Variants in FSHR observed in about 807,000 individuals in gnomAD.
FSHR encodes follicle stimulating hormone receptor, also known as follicle-stimulating hormone receptor.
A neutral mutation model predicts 52.1 loss-of-function variants in FSHR; 46 were observed. That is an observed-to-expected ratio of 0.88 (90% confidence interval 0.70 to 1.13). The LOEUF is 1.13. FSHR is among the 50% of genes most tolerant of loss of function. The pLI is 0.00. For synonymous variants in FSHR, 399 were observed against 309.6 expected (o/e 1.29, Z -3.03); for missense variants, 964 against 834.6 (o/e 1.16, Z -1.91).
At chr2:49,067,425 C>G (rs1376905264) in intron 2 of FSHR, among the ~76,000 whole-genome samples, 4 of 152,050 alleles carry the variant, frequency 2.6e-5, no homozygotes, top group Admixed American at 2.6e-4. Context: ...TTCTTTCTTG[C>G]CTTGCTTTCA....
At chr2:49,126,855 T>C (rs10211458) in intron 1 of FSHR, among the ~76,000 whole-genome samples, 38,736 of 152,158 alleles carry the variant, frequency 0.25, 5,330 homozygotes, top group East Asian at 0.49. Flanking sequence ...GTTACAGAGA[T>C]GGTTTGCAGG....
intron 9 of FSHR, among the ~76,000 whole-genome samples, chr2:48,968,182 T>A (rs902978003): frequency 6.6e-6 from 1 of 152,178 alleles, no homozygotes; most frequent in African/African-American, 2.4e-5. Flanking sequence ...AGTAATGAGA[T>A]GTCTTAATCT....
At chr2:49,153,774 A>C (rs1477984917) in intron 1 of FSHR, among the ~76,000 whole-genome samples, 1 of 152,076 alleles carries the variant, frequency 6.6e-6, no homozygotes, top group African/African-American at 2.4e-5. Context: ...TTTTACACCC[A>C]AAAGCAGAAT....
At chr2:49,050,083 A>G (rs1572679970) in intron 2 of FSHR, among the ~76,000 whole-genome samples, 1 of 152,126 alleles carries the variant, frequency 6.6e-6, no homozygotes, top group Non-Finnish European at 1.5e-5. Flanking sequence ...AGCAATAAAT[A>G]TAACAAAAAT....
chr2:48,989,835 C>T (rs564469639), intron 5 of FSHR, among the ~76,000 whole-genome samples: 9 of 152,242 alleles, frequency 5.9e-5, no homozygotes, highest in East Asian at 3.9e-4. Context: ...TCATTTCCCC[C>T]GTCAACCTTC....
intron 4 of FSHR, among the ~76,000 whole-genome samples, chr2:49,014,166 A>T (rs528227464): frequency 7.2e-5 from 11 of 152,294 alleles, no homozygotes; most frequent in African/African-American, 2.6e-4. Context: ...TGACTAAGAA[A>T]ATGATATGCT....
chr2:48,998,449 T>G (rs1676121100), intron 4 of FSHR, among the ~76,000 whole-genome samples: 1 of 152,148 alleles, frequency 6.6e-6, no homozygotes, highest in Non-Finnish European at 1.5e-5. Context: ...TTGTTTCTCG[T>G]GGAGTTTTGA....
intron 1 of FSHR, among the ~76,000 whole-genome samples, chr2:49,087,941 A>C (rs1022455065): frequency 1.3e-5 from 2 of 152,230 alleles, no homozygotes; most frequent in African/African-American, 4.8e-5. Context: ...GGTGATGATG[A>C]CAGTGGTGGC....
chr2:49,105,438 G>A lies in FSHR; in HGVS notation c.153-37148C>T, dbSNP rs369955275. ...AGGGTTCCAAGGAAGCTTACTTTAA[G>A]TTTCTTAATGCCTTAGAAAGTCAGG... On this transcript the variant is annotated intron_variant, in intron 1 of 9. Coordinates refer to ENST00000406846, the MANE Select transcript of FSHR (RefSeq NM_000145.4). Among the ~76,000 whole-genome samples the A allele has an allele frequency of 2.6e-5, 4 of 151,742 alleles. No individual in the cohort carries two copies. In the East Asian group the frequency reaches 7.9e-4, roughly 30 times the overall value.
chr2:49,014,786 C>T (rs143819440), intron 4 of FSHR: 29 of 341,486 alleles, frequency 8.5e-5, no homozygotes, highest in African/African-American at 5.8e-4. Flanking sequence ...TGGGTTTGTC[C>T]TTGGCAGGAG....
intron 6 of FSHR, among the ~76,000 whole-genome samples, chr2:48,986,005 G>A (rs1014699626): frequency 2.0e-5 from 3 of 152,104 alleles, no homozygotes; most frequent in Non-Finnish European, 4.4e-5. Context: ...GAGCCACCGC[G>A]CCCGGCCGCA....
intron 1 of FSHR, among the ~76,000 whole-genome samples, chr2:49,147,057 C>G (rs144227275): frequency 6.6e-4 from 101 of 152,118 alleles, no homozygotes; most frequent in African/African-American, 2.1e-3. Flanking sequence ...TGTTTGGCTG[C>G]TTTATTCAAA....
chr2:49,092,811 G>A (rs1670660454), intron 1 of FSHR, among the ~76,000 whole-genome samples: 1 of 152,010 alleles, frequency 6.6e-6, no homozygotes, highest in South Asian at 2.1e-4. Flanking sequence ...GATTACAGAT[G>A]CGCACCACCA....
intron 2 of FSHR, among the ~76,000 whole-genome samples, chr2:49,038,483 G>T (rs1026652161): frequency 6.6e-6 from 1 of 151,614 alleles, no homozygotes; most frequent in African/African-American, 2.4e-5. Context: ...TAATTAGCCG[G>T]GCGTGGTGGG....
chr2:49,093,112 T>C (rs1177755742), intron 1 of FSHR, among the ~76,000 whole-genome samples: 1 of 152,254 alleles, frequency 6.6e-6, no homozygotes, highest in Non-Finnish European at 1.5e-5. Context: ...TGAAGGAATA[T>C]TTGTCCATAG....
intron 1 of FSHR, among the ~76,000 whole-genome samples, chr2:49,111,411 A>C (rs1208290128): frequency 1.3e-5 from 2 of 152,152 alleles, no homozygotes; most frequent in African/African-American, 4.8e-5. Flanking sequence ...AGTTTTTGCC[A>C]AAAGAATAAT....
At chr2:49,106,926 G>A (rs1671244401) in intron 1 of FSHR, among the ~76,000 whole-genome samples, 1 of 152,144 alleles carries the variant, frequency 6.6e-6, no homozygotes, top group Non-Finnish European at 1.5e-5. Context: ...TGACCATAAT[G>A]AGCCATACCT....
At chr2:49,061,926 C>T (rs1411988011) in intron 2 of FSHR, among the ~76,000 whole-genome samples, 1 of 149,352 alleles carries the variant, frequency 6.7e-6, no homozygotes, top group Non-Finnish European at 1.5e-5. Context: ...TGTTATTAAT[C>T]CTAAAGGAAG....
intron 4 of FSHR, chr2:48,997,361 A>G: frequency 1.6e-5 from 16 of 985,152 alleles, no homozygotes; most frequent in Non-Finnish European, 1.8e-5. Flanking sequence ...CTTAGTAATC[A>G]GGGGAAATTT....
Sources: allele counts gnomAD v4.1 joint callset (sites outside exome capture counted in the v4.1 genomes callset), GRCh38; gene constraint gnomAD v4.1.1; transcripts MANE v1.5; gene names NCBI Gene and HGNC (gene_info 2026-07-23, HGNC 2026-07-21).